The following SDK1 variants were observed in gnomAD, a reference collection of about 807,000 sequenced individuals.
SDK1 encodes sidekick cell adhesion molecule 1.
SDK1 carries 157 observed loss-of-function variants against 245.5 expected under a neutral mutation model. That is an observed-to-expected ratio of 0.64 (90% CI 0.56 to 0.73). The LOEUF (loss-of-function observed/expected upper bound fraction) is 0.73. Ranked by LOEUF, SDK1 falls within the 30% of genes least tolerant of loss-of-function variation. The probability of loss-of-function intolerance (pLI) is 0.00; values close to 1 mark genes in which losing one functional copy is unlikely to be tolerated. For synonymous variants in SDK1, 1,647 were observed against 1,278.5 expected, an observed-to-expected ratio of 1.29 and a Z score of -6.15; for missense variants, 3,583 against 3,002.3, an observed-to-expected ratio of 1.19 and a Z score of -4.52.
chr7:3,569,926 C>A (rs1382346495), intron 1 of SDK1, among the ~76,000 whole-genome samples: 2 of 152,172 alleles, frequency 1.3e-5, no homozygotes, highest in African/African-American at 4.8e-5. Flanking sequence ...CCACCATCTC[C>A]TTTTCCTCTG....
chr7:3,776,772 G>T (rs1407447000), intron 4 of SDK1, among the ~76,000 whole-genome samples: 1 of 151,936 alleles, frequency 6.6e-6, no homozygotes, highest in Non-Finnish European at 1.5e-5. Context: ...TAGTTTCCTG[G>T]ACAAGGATGA....
chr7:3,821,404 G>A (rs760626903), intron 4 of SDK1, 46 bp from the exon 5 acceptor site: 9 of 1,575,038 alleles, frequency 5.7e-6, no homozygotes, highest in Admixed American at 5.7e-5. Context: ...CAAGTAGGAA[G>A]TTCCCTGGAG....
intron 5 of SDK1, among the ~76,000 whole-genome samples, chr7:3,863,824 C>G (rs1322268010): frequency 6.6e-6 from 1 of 152,198 alleles, no homozygotes; most frequent in Non-Finnish European, 1.5e-5. Flanking sequence ...ATTGGTTTAT[C>G]CACTTATTCC....
At chr7:3,581,029 A>T (rs1226155368) in intron 1 of SDK1, among the ~76,000 whole-genome samples, 1 of 150,062 alleles carries the variant, frequency 6.7e-6, no homozygotes, top group East Asian at 2.0e-4. Context: ...TCTATGCATT[A>T]CCATTCTGGA....
At chr7:4,170,663 A>G (rs1781784052) in intron 32 of SDK1, among the ~76,000 whole-genome samples, 1 of 152,186 alleles carries the variant, frequency 6.6e-6, no homozygotes, top group Non-Finnish European at 1.5e-5. Context: ...TTAAAGACTA[A>G]GAGTAAAACA....
At chr7:3,919,214 C>T (rs147986628) in intron 5 of SDK1, among the ~76,000 whole-genome samples, 8 of 152,324 alleles carry the variant, frequency 5.3e-5, no homozygotes, top group Non-Finnish European at 1.0e-4. Context: ...TCCATGAGCC[C>T]GGCTTCTCCC....
chr7:4,231,611 G>A (rs1386648807), intron 40 of SDK1, among the ~76,000 whole-genome samples: 3 of 144,720 alleles, frequency 2.1e-5, no homozygotes, highest in Non-Finnish European at 4.6e-5. Context: ...GAAAGAGCAA[G>A]AGAGAAAGCA....
At chr7:3,719,492 C>A (rs930226612) in intron 4 of SDK1, among the ~76,000 whole-genome samples, 12 of 152,012 alleles carry the variant, frequency 7.9e-5, no homozygotes, top group Non-Finnish European at 1.2e-4. Context: ...CAGACCCACA[C>A]GAATATGCCC....
At chr7:3,437,291 G>GGGGT (rs769978667) in intron 1 of SDK1, among the ~76,000 whole-genome samples, 1 of 152,066 alleles carries the variant, frequency 6.6e-6, no homozygotes, top group Non-Finnish European at 1.5e-5. Flanking sequence ...CCAGATTTGA[G>GGGGT]GGGTGGGCCT....
chr7:3,328,648 T>A (rs907462805), intron 1 of SDK1, among the ~76,000 whole-genome samples: 2 of 152,126 alleles, frequency 1.3e-5, no homozygotes, highest in Non-Finnish European at 2.9e-5. Context: ...AAAATCTTTT[T>A]ATGTTAGTAT....
intron 4 of SDK1, among the ~76,000 whole-genome samples, chr7:3,807,438 A>G (rs1002731623): frequency 1.3e-5 from 2 of 152,208 alleles, no homozygotes; most frequent in East Asian, 3.8e-4. Flanking sequence ...CTCAAGCCCA[A>G]AGATTCAGAA....
chr7:3,895,636 T>G (rs1781584365), intron 5 of SDK1, among the ~76,000 whole-genome samples: 2 of 139,226 alleles, frequency 1.4e-5, no homozygotes, highest in Admixed American at 7.2e-5. Flanking sequence ...TGAGGCTTCT[T>G]CTTCTTCCTC....
chr7:4,183,640 CAAAAAAAA>C (rs548155248), intron 35 of SDK1, among the ~76,000 whole-genome samples: 2 of 73,154 alleles, frequency 2.7e-5, no homozygotes, highest in Non-Finnish European at 5.9e-5. Flanking sequence ...GACTCCGTCT[CAAAAAAAA>C]AAAAAAAAAA....
intron 4 of SDK1, among the ~76,000 whole-genome samples, chr7:3,818,991 A>T (rs990222611): frequency 6.6e-6 from 1 of 152,242 alleles, no homozygotes; most frequent in Non-Finnish European, 1.5e-5. Context: ...GGATGGGCAC[A>T]CGATACTTGC....
intron 1 of SDK1, among the ~76,000 whole-genome samples, chr7:3,471,138 A>C (rs1781170382): frequency 6.6e-6 from 1 of 152,140 alleles, no homozygotes; most frequent in Non-Finnish European, 1.5e-5. Context: ...CATTTCCTTA[A>C]TTAGTTTAGG....
intron 1 of SDK1, among the ~76,000 whole-genome samples, chr7:3,524,422 G>C (rs1423861201): frequency 6.6e-6 from 1 of 152,128 alleles, no homozygotes; most frequent in African/African-American, 2.4e-5. Flanking sequence ...AAGATAATGA[G>C]GTAATTGGAT....
chr7:4,123,291 C>G (rs1171172762), intron 25 of SDK1, among the ~76,000 whole-genome samples: 1 of 152,120 alleles, frequency 6.6e-6, no homozygotes, highest in Non-Finnish European at 1.5e-5. Flanking sequence ...GTGTTCTTAC[C>G]TTATTCTAAA....
chr7:4,258,959 C>A (rs969959098), intron 44 of SDK1, among the ~76,000 whole-genome samples: 9 of 152,170 alleles, frequency 5.9e-5, no homozygotes, highest in Admixed American at 2.0e-4. Flanking sequence ...GTGATTTTCC[C>A]TAAGTTTCAG....
Position 3,636,129 on chromosome 7 carries a change from G to T in SDK1, c.459-2875G>T, listed in dbSNP as rs193286805. On this transcript the variant is annotated intron_variant, in intron 2 of 44. Transcript: ENST00000404826. ...TTGATGAGTTGGGAGATAATTATAC[G>T]CCCATGAAACTTTCACCACTATATG... 2.5e-3 allele frequency among the ~76,000 whole-genome samples: 374 copies of T among 152,110 alleles called. 3 individuals are homozygous for T. The highest frequency in any genetic ancestry group is 0.018 in the South Asian group (86 of 4,816).
Sources: allele counts gnomAD v4.1 joint callset (sites outside exome capture counted in the v4.1 genomes callset), GRCh38; gene constraint gnomAD v4.1.1; transcripts MANE v1.5; gene names NCBI Gene and HGNC (gene_info 2026-07-23, HGNC 2026-07-21).